Variants in ZBTB8OS observed in about 807,000 individuals in gnomAD.
ZBTB8OS encodes tRNA splicing ligase complex subunit 1, also known as tRNA-splicing ligase-activating factor archease.
A neutral mutation model predicts 29.3 loss-of-function variants in ZBTB8OS; 16 were observed. That is an observed-to-expected ratio of 0.55 (90% CI 0.37 to 0.83). ZBTB8OS has a LOEUF of 0.83. ZBTB8OS is among the 40% of genes least tolerant of loss of function. ZBTB8OS has a pLI of 0.00. For synonymous variants in ZBTB8OS, 70 were observed against 64.6 expected, an observed-to-expected ratio of 1.08 and a Z score of -0.40; for missense variants, 160 against 196.9, an observed-to-expected ratio of 0.81 and a Z score of 1.12.
rs1646547804 is a variant in ZBTB8OS, at chr1:32,643,069, C to CA, written c.97+7363_97+7364insT. 4.2e-4 allele frequency among the ~76,000 whole-genome samples: 22 copies of CA among 52,524 alleles called. No individual in the cohort carries two copies. In the Admixed American group the frequency reaches 7.4e-3, roughly 18 times the overall value. 34.5% of individuals were successfully genotyped at this position (52,524 alleles called of 152,430 possible). A position where few individuals can be genotyped will look rare whatever the true frequency, so the allele number is the denominator to read the frequency against. On this transcript the variant is annotated intron_variant, in intron 1 of 6. Coordinates refer to ENST00000468695, the MANE Select transcript of ZBTB8OS (RefSeq NM_178547.5). ...TACAGACGTGAGCCACCGTGCCTGG[C>CA]CTTTTTTTTTTTTTTTTTGAGATAG...
chr1:32,641,915 C>T (rs1306371316), intron 1 of ZBTB8OS, among the ~76,000 whole-genome samples: 6 of 151,912 alleles, frequency 3.9e-5, no homozygotes, highest in African/African-American at 1.2e-4. Flanking sequence ...GGTGACAGAG[C>T]GAGACTGTCT....
At chr1:32,638,544 T>C (rs1432811265) in intron 1 of ZBTB8OS, among the ~76,000 whole-genome samples, 1 of 152,140 alleles carries the variant, frequency 6.6e-6, no homozygotes, top group Non-Finnish European at 1.5e-5. Context: ...CTTTTGTTAA[T>C]ATGGGTTATA....
chr1:32,621,959 G>C lies in ZBTB8OS; in HGVS notation c.418-11C>G. 2.0e-6 allele frequency: 3 copies of C among 1,513,104 alleles called. No homozygotes were observed. Among genetic ancestry groups the C allele is most frequent in the Non-Finnish European group, 2.6e-6 (3 of 1,133,524 alleles). 93.7% of individuals were successfully genotyped at this position (1,513,104 alleles called of 1,614,324 possible). On this transcript the variant is annotated splice_polypyrimidine_tract_variant and intron_variant, in intron 6 of 6. Transcript: ENST00000468695. ...TTTGACTTCTGTTCCCTAAAGTTGG[G>C]GTTAGAGAAAAAAAAAAAAAAAAGG...
At chr1:32,630,981 T>C (rs1645506772) in intron 5 of ZBTB8OS, among the ~76,000 whole-genome samples, 2 of 151,854 alleles carry the variant, frequency 1.3e-5, no homozygotes, top group African/African-American at 4.8e-5. Context: ...CACTCCAGCC[T>C]GAGCAACAGA....
upstream of ZBTB8OS, chr1:32,650,835 C>A: frequency 3.9e-6 from 2 of 513,580 alleles, no homozygotes; most frequent in South Asian, 5.2e-5. Context: ...TCCCCCGCTT[C>A]ACCCCCAAAA....
chr1:32,650,404 G>A (rs952205602), intron 1 of ZBTB8OS, 29 bp downstream of exon 1: 2 of 1,613,784 alleles, frequency 1.2e-6, no homozygotes, highest in South Asian at 1.1e-5. Context: ...GTGCTTACAT[G>A]TAAAGAGAGA....
chr1:32,630,978 G>A (rs1467790584), intron 5 of ZBTB8OS, among the ~76,000 whole-genome samples: 1 of 152,016 alleles, frequency 6.6e-6, no homozygotes, highest in African/African-American at 2.4e-5. Flanking sequence ...ACACACTCCA[G>A]CCTGAGCAAC....
At position 32,621,886 on chromosome 1, in the gene ZBTB8OS, T is replaced by G; in HGVS notation, c.480A>C (p.Glu160Asp). 1 of 1,594,282 alleles carries G rather than the reference T, an allele frequency of 6.3e-7. No homozygotes were observed. Among genetic ancestry groups the G allele is most frequent in the Non-Finnish European group, 8.5e-7 (1 of 1,176,416 alleles). ...CTTAAATGTCAATGATCACAAAAACTTCCGGGTTCTCTTCATTATAGACCT... is the reference window on the plus strand; with the variant it reads ...CTTAAATGTCAATGATCACAAAAACGTCCGGGTTCTCTTCATTATAGACCT... ...AMQVYNEENPEVFVIIDI is the reference protein window; with the variant it reads ...AMQVYNEENPDVFVIIDI The change falls in exon 7 of 7, where the codon GAA becomes GAC. Residue 160 changes from glutamate to aspartate, a missense_variant. By Grantham distance (45) the Glu-to-Asp change is conservative. Coordinates refer to ENST00000468695, the MANE Select transcript of ZBTB8OS (RefSeq NM_178547.5).
intron 1 of ZBTB8OS, among the ~76,000 whole-genome samples, chr1:32,648,373 A>G (rs1482100394): frequency 2.6e-5 from 4 of 152,226 alleles, no homozygotes; most frequent in Non-Finnish European, 5.9e-5. Flanking sequence ...AACTTGGAGA[A>G]CTTGATTCTA....
chr1:32,628,505 T>C (rs1645292172), intron 5 of ZBTB8OS, among the ~76,000 whole-genome samples: 1 of 149,116 alleles, frequency 6.7e-6, no homozygotes, highest in South Asian at 2.1e-4. Flanking sequence ...GGCGTGGTGG[T>C]AGGCACCTGT....
At chr1:32,623,294 G>A (rs1460753913) in intron 6 of ZBTB8OS, among the ~76,000 whole-genome samples, 1 of 152,110 alleles carries the variant, frequency 6.6e-6, no homozygotes, top group Non-Finnish European at 1.5e-5. Flanking sequence ...ATGCTAACTG[G>A]TATCACCCTG....
intron 6 of ZBTB8OS, among the ~76,000 whole-genome samples, chr1:32,622,910 A>G (rs1324355690): frequency 1.3e-5 from 2 of 152,080 alleles, no homozygotes; most frequent in Non-Finnish European, 2.9e-5. Flanking sequence ...AGTTGACAAC[A>G]CTCACTTCAC....
At chr1:32,628,635 CAA>C (rs1173552538) in intron 5 of ZBTB8OS, among the ~76,000 whole-genome samples, 4 of 108,558 alleles carry the variant, frequency 3.7e-5, no homozygotes, top group Non-Finnish European at 5.7e-5. Flanking sequence ...GACTCTGTCT[CAA>C]AAAAAAAAAA....
chr1:32,632,836 T>TG (rs1388714320), intron 4 of ZBTB8OS, among the ~76,000 whole-genome samples: 11 of 152,112 alleles, frequency 7.2e-5, no homozygotes, highest in Non-Finnish European at 1.6e-4. Context: ...TGTTTAACGC[T>TG]GGGGGAAAAC....
At chr1:32,640,555 T>C (rs115561954) in intron 1 of ZBTB8OS, among the ~76,000 whole-genome samples, 10,955 of 152,076 alleles carry the variant, frequency 0.072, 1,313 homozygotes, top group African/African-American at 0.25. Flanking sequence ...CACTCCGTCA[T>C]CCAGGCTGAA....
intron 1 of ZBTB8OS, among the ~76,000 whole-genome samples, chr1:32,637,457 ACTCC>A (rs1646061210): frequency 6.6e-6 from 1 of 151,602 alleles, no homozygotes; most frequent in Non-Finnish European, 1.5e-5. Context: ...AGTCCCAGCT[ACTCC>A]GGAAGCTGAG....
intron 1 of ZBTB8OS, among the ~76,000 whole-genome samples, chr1:32,641,626 T>C (rs1177484572): frequency 1.4e-5 from 2 of 144,096 alleles, no homozygotes; most frequent in Non-Finnish European, 3.0e-5. Context: ...AAAAGTACTT[T>C]ATACAGGCCG....
intron 6 of ZBTB8OS, among the ~76,000 whole-genome samples, chr1:32,622,202 T>C (rs1474128265): frequency 1.3e-5 from 2 of 152,140 alleles, no homozygotes; most frequent in African/African-American, 4.8e-5. Context: ...TGTATAGAAA[T>C]TGTCTGGCCT....
At chr1:32,650,827 C>T (rs570846469), upstream of ZBTB8OS, 6 of 511,874 alleles carry the variant, frequency 1.2e-5, no homozygotes, top group East Asian at 2.0e-4. Context: ...AGGTTCTTTC[C>T]CCCGCTTCAC....
Sources: allele counts gnomAD v4.1 joint callset (sites outside exome capture counted in the v4.1 genomes callset), GRCh38; gene constraint gnomAD v4.1.1; transcripts MANE v1.5; gene names NCBI Gene and HGNC (gene_info 2026-07-23, HGNC 2026-07-21).